Variants in NPAS3 observed in about 807,000 individuals in gnomAD.
NPAS3 encodes neuronal PAS domain-containing protein 3.
In NPAS3, 14 loss-of-function variants were observed where a neutral mutation model predicts 73.1. The ratio of observed to expected loss-of-function variants is 0.19; its 90% CI spans 0.13 to 0.30. The LOEUF is 0.30. NPAS3 is among the 10% of genes least tolerant of loss of function. NPAS3 has a pLI of 1.00. For missense variants in NPAS3, 1,096 were observed against 1,250.0 expected (o/e 0.88, Z 1.86); for synonymous variants, 620 against 541.5 (o/e 1.14, Z -2.01).
intron 1 of NPAS3, among the ~76,000 whole-genome samples, chr14:33,023,827 C>T (rs1277908256): frequency 6.6e-6 from 1 of 152,046 alleles, no homozygotes; most frequent in Non-Finnish European, 1.5e-5. Flanking sequence ...TGCAAAAATC[C>T]ATCATCCGTA....
intron 3 of NPAS3, among the ~76,000 whole-genome samples, chr14:33,255,503 C>G (rs963805952): frequency 6.6e-6 from 1 of 152,028 alleles, no homozygotes; most frequent in African/African-American, 2.4e-5. Context: ...CTGGAGAGAC[C>G]CTGTGAAACC....
chr14:33,765,882 C>T (rs2062447776), intron 7 of NPAS3, among the ~76,000 whole-genome samples: 1 of 152,038 alleles, frequency 6.6e-6, no homozygotes, highest in East Asian at 1.9e-4. Context: ...GCCCCTGTGT[C>T]GATTTAGAAA....
intron 7 of NPAS3, among the ~76,000 whole-genome samples, chr14:33,743,623 A>G (rs1421271930): frequency 6.6e-6 from 1 of 152,224 alleles, no homozygotes; most frequent in East Asian, 1.9e-4. Context: ...AGCTCCTTAC[A>G]AGAAAATCCA....
intron 4 of NPAS3, among the ~76,000 whole-genome samples, chr14:33,537,604 C>T (rs886701903): frequency 6.6e-6 from 1 of 152,128 alleles, no homozygotes; most frequent in Non-Finnish European, 1.5e-5. Flanking sequence ...ACTGCGAGAG[C>T]CATCGTGAGT....
chr14:33,468,498 A>G (rs999249464), intron 4 of NPAS3, among the ~76,000 whole-genome samples: 33 of 152,130 alleles, frequency 2.2e-4, no homozygotes, highest in African/African-American at 7.5e-4. Flanking sequence ...TTTTCCTCTA[A>G]AAATGTGGAC....
intron 3 of NPAS3, among the ~76,000 whole-genome samples, chr14:33,273,543 A>G (rs2041194908): frequency 6.6e-6 from 1 of 152,326 alleles, no homozygotes; most frequent in Non-Finnish European, 1.5e-5. Context: ...TAAAGTAAAC[A>G]TTCATTTCTC....
intron 1 of NPAS3, among the ~76,000 whole-genome samples, chr14:33,042,831 A>G (rs2040388104): frequency 6.6e-6 from 1 of 152,176 alleles, no homozygotes; most frequent in Non-Finnish European, 1.5e-5. Flanking sequence ...AGAGACAGTT[A>G]AGTACAGAAA....
rs535436500 is a variant in NPAS3 at position 33,623,379 on chromosome 14, A to G, written c.559-52832A>G. Among the ~76,000 whole-genome samples the G allele has an allele frequency of 2.4e-4, 36 of 152,326 alleles. No homozygotes were observed. The South Asian group carries it at 6.8e-3, about 29-fold the overall frequency. On this transcript the variant is annotated intron_variant, in intron 5 of 11. Coordinates refer to ENST00000356141, the Ensembl canonical transcript of NPAS3. Reference sequence around the variant, plus strand: ...GTGAATGACAACTCAGGCCAAAATAACACTGGAGGCATATTTGACCATACC... The same window carrying G: ...GTGAATGACAACTCAGGCCAAAATAGCACTGGAGGCATATTTGACCATACC...
intron 2 of NPAS3, among the ~76,000 whole-genome samples, chr14:33,176,164 G>A (rs1209128188): frequency 6.6e-6 from 1 of 152,020 alleles, no homozygotes; most frequent in Non-Finnish European, 1.5e-5. Flanking sequence ...TTATGCCAGA[G>A]AACAACCAAA....
intron 6 of NPAS3, among the ~76,000 whole-genome samples, chr14:33,677,098 C>T (rs1362788110): frequency 6.6e-6 from 1 of 152,142 alleles, no homozygotes; most frequent in Non-Finnish European, 1.5e-5. Context: ...GACTTGATAT[C>T]CATCAGTCCC....
chr14:33,697,740 T>C (rs1474169639), intron 6 of NPAS3, among the ~76,000 whole-genome samples: 1 of 152,376 alleles, frequency 6.6e-6, no homozygotes, highest in South Asian at 2.1e-4. Context: ...ATGTATCTTA[T>C]GAATTTTCTT....
chr14:33,354,643 C>T (rs1302207448), intron 3 of NPAS3, among the ~76,000 whole-genome samples: 1 of 152,152 alleles, frequency 6.6e-6, no homozygotes, highest in African/African-American at 2.4e-5. Context: ...GTCCTAAAGA[C>T]ACCTCCCTTC....
chr14:33,645,904 T>C (rs998285108), intron 5 of NPAS3, among the ~76,000 whole-genome samples: 5 of 152,226 alleles, frequency 3.3e-5, no homozygotes, highest in South Asian at 2.1e-4. Context: ...CAGACCTTCA[T>C]TGAGGGCCGT....
chr14:33,657,265 A>C (rs2140256874), intron 5 of NPAS3, among the ~76,000 whole-genome samples: 1 of 152,312 alleles, frequency 6.6e-6, no homozygotes, highest in Admixed American at 6.5e-5. Context: ...CATACAAATG[A>C]TAACAACACA....
downstream of NPAS3, chr14:33,801,150 G>A (rs1444084252): frequency 1.3e-6 from 2 of 1,540,616 alleles, no homozygotes; most frequent in Non-Finnish European, 1.7e-6. Context: ...CCGCTTGGAG[G>A]AGGCATCGTC....
intron 6 of NPAS3, among the ~76,000 whole-genome samples, chr14:33,705,829 A>G (rs750646001): frequency 2.0e-5 from 3 of 152,268 alleles, no homozygotes; most frequent in Non-Finnish European, 2.9e-5. Context: ...TATTTTCATA[A>G]GGAAACTAAG....
At chr14:33,087,213 T>TA (rs1252425218) in intron 2 of NPAS3, among the ~76,000 whole-genome samples, 1 of 104,040 alleles carries the variant, frequency 9.6e-6, no homozygotes, top group African/African-American at 4.7e-5. Flanking sequence ...TATAGTATTA[T>TA]TATTATTGTA....
At chr14:33,267,782 A>G (rs1223551352) in intron 3 of NPAS3, among the ~76,000 whole-genome samples, 2 of 152,156 alleles carry the variant, frequency 1.3e-5, no homozygotes, top group Non-Finnish European at 2.9e-5. Flanking sequence ...TGCATGTGTA[A>G]TTGTTTGAAT....
chr14:33,541,096 G>GGGGTGTGTGT (rs1555409250), intron 4 of NPAS3, among the ~76,000 whole-genome samples: 51 of 142,854 alleles, frequency 3.6e-4, no homozygotes, highest in African/African-American at 1.1e-3. Context: ...TATGTTTAGA[G>GGGGTGTGTGT]GTGTGTGTGT....
Sources: gnomAD v4.1 joint callset for allele counts (sites outside exome capture counted in the v4.1 genomes callset) on GRCh38, gnomAD v4.1.1 for gene constraint, MANE v1.5 for transcripts, NCBI Gene and HGNC (gene_info 2026-07-23, HGNC 2026-07-21) for gene names.